The following ATM variants were observed in gnomAD, a reference collection of about 807,000 sequenced individuals.
ATM encodes serine-protein kinase ATM.
Under a neutral mutation model 387.0 loss-of-function variants are expected in ATM, and 308 were observed. That is an observed-to-expected ratio of 0.80 (90% CI 0.73 to 0.87). The LOEUF is 0.87. Among genes scored for constraint, ATM ranks in the 40% least tolerant of loss-of-function variants. The pLI, the probability that ATM is intolerant of heterozygous loss-of-function variation, is 0.00. For synonymous variants in ATM, 1,156 were observed against 1,187.3 expected (o/e 0.97, Z 0.54); for missense variants, 3,312 against 3,560.9 (o/e 0.93, Z 1.78).
At chr11:108,322,277 C>T (rs542278567) in intron 45 of ATM, among the ~76,000 whole-genome samples, 1 of 152,278 alleles carries the variant, frequency 6.6e-6, no homozygotes, top group African/African-American at 2.4e-5. Flanking sequence ...GCCTCAGCCT[C>T]CCGAGTAGCT....
chr11:108,256,191 T>C, intron 13 of ATM, 24 bp from the exon 14 acceptor site: 1 of 1,547,530 alleles, frequency 6.5e-7, no homozygotes, highest in Non-Finnish European at 8.8e-7. Context: ...AATATATATA[T>C]TTTTATTTGT....
chr11:108,302,774 T>C, intron 35 of ATM, 79 bp from the exon 36 acceptor site: 1 of 1,325,676 alleles, frequency 7.5e-7, no homozygotes, highest in Non-Finnish European at 1.1e-6. Context: ...CAGAAAGATT[T>C]GTTATACTCA....
chr11:108,281,531 C>T (rs1460462102), intron 24 of ATM, among the ~76,000 whole-genome samples: 3 of 152,130 alleles, frequency 2.0e-5, no homozygotes, highest in Non-Finnish European at 4.4e-5. Flanking sequence ...ACATTGGGAT[C>T]CAGCAGGGCC....
chr11:108,335,237 A>G, intron 55 of ATM, 128 bp downstream of exon 55: 1 of 1,551,490 alleles, frequency 6.4e-7, no homozygotes, highest in Non-Finnish European at 8.7e-7. Context: ...GAAGATTTGT[A>G]GAGTAGAAAT....
At chr11:108,304,549 T>C in intron 36 of ATM, 126 bp from the exon 37 acceptor site, 2 of 1,003,038 alleles carry the variant, frequency 2.0e-6, no homozygotes, top group Non-Finnish European at 3.0e-6. Context: ...GTTGAGTTTA[T>C]GGCAGATTAA....
chr11:108,317,283 A>C (rs1591788054), intron 42 of ATM, 90 bp from the exon 43 acceptor site: 2 of 1,378,334 alleles, frequency 1.5e-6, no homozygotes, highest in East Asian at 4.9e-5. Context: ...AAATTTGTCT[A>C]AGTTAATTTG....
chr11:108,268,672 A>ACTAAAT (rs2081403326), intron 18 of ATM, 63 bp downstream of exon 18: 8 of 1,510,050 alleles, frequency 5.3e-6, no homozygotes, highest in Non-Finnish European at 7.3e-6. Context: ...AAATGTAATG[A>ACTAAAT]GTTGACATGT....
intron 18 of ATM, 36 bp from the exon 19 acceptor site, chr11:108,271,028 G>A (rs1490069259): frequency 6.4e-7 from 1 of 1,551,938 alleles, no homozygotes; most frequent in Non-Finnish European, 8.9e-7. Context: ...AATGATTTGT[G>A]GATAAACCTG....
At chr11:108,301,941 G>A in intron 35 of ATM, 152 bp downstream of exon 35, 2 of 943,692 alleles carry the variant, frequency 2.1e-6, no homozygotes, top group Non-Finnish European at 3.1e-6. Flanking sequence ...ATAAATCCAG[G>A]GAATGTGTTA....
In ATM at chr11:108,307,905, C is replaced by A. The variant is rs766901049; in HGVS notation, c.5683C>A (p.His1895Asn). 1 of 1,613,324 alleles carries A rather than the reference C, an allele frequency of 6.2e-7. No homozygotes were observed. The change falls in exon 38 of 63, where the codon CAC becomes AAC. Residue 1895 changes from histidine to asparagine, a missense_variant. Physicochemically the swap from His to Asn is moderately conservative, Grantham distance 68. Coordinates refer to ENST00000675843, the MANE Select transcript of ATM (RefSeq NM_000051.4). Reference sequence around the variant, plus strand: ...ATATTTTTGTTTGTCAGAGTCAGAGCACTTTTTCCGATGCTGTTTGGATAA... The same window carrying A: ...ATATTTTTGTTTGTCAGAGTCAGAGAACTTTTTCCGATGCTGTTTGGATAA... ...TPANLDSESE[H>N]FFRCCLDKKS...
rs55830714 is a variant in ATM, at chr11:108,256,249, G to C, written c.2159G>C (p.Arg720Pro). Residue 720 changes from arginine (R) to proline (P), a missense_variant, in exon 14 of 63, where the codon CGT becomes CCT. Arg to Pro is a moderately radical substitution (Grantham distance 103, BLOSUM62 -2). Transcript: ENST00000675843. ...TCAGAAACTCTTGTCCGGTGTTCAC[G>C]TCTTTTGGTGGGTGTCCTTGGCTGC... Reference protein sequence around the residue: ...TNSETLVRCSRLLVGVLGCYC... With the variant: ...TNSETLVRCSPLLVGVLGCYC... The C allele has an allele frequency of 6.2e-7, 1 of 1,609,600 alleles. No homozygotes were observed. The highest frequency in any genetic ancestry group is 8.5e-7 in the Non-Finnish European group (1 of 1,177,098).
At chr11:108,348,612 C>A (rs425538) in intron 59 of ATM, among the ~76,000 whole-genome samples, 94,026 of 151,402 alleles carry the variant, frequency 0.62, 29,479 homozygotes, top group Middle Eastern at 0.76. Flanking sequence ...TAATGACAAA[C>A]TTCTATTAAA....
At chr11:108,297,171 AC>A in intron 32 of ATM, 115 bp from the exon 33 acceptor site, 1 of 846,400 alleles carries the variant, frequency 1.2e-6, no homozygotes, top group Non-Finnish European at 1.9e-6. Context: ...ATGACTTAAA[AC>A]CTTTTTTAAA....
At chr11:108,254,253 T>C (rs1268914882) in intron 13 of ATM, among the ~76,000 whole-genome samples, 1 of 152,116 alleles carries the variant, frequency 6.6e-6, no homozygotes, top group African/African-American at 2.4e-5. Context: ...TACTGGAAAT[T>C]ATGGTAGACA....
intron 25 of ATM, among the ~76,000 whole-genome samples, chr11:108,284,001 C>T (rs565662399): frequency 4.5e-4 from 68 of 151,940 alleles, no homozygotes; most frequent in African/African-American, 1.3e-3. Context: ...ATTTTTAAAT[C>T]CCATAATTAT....
intron 5 of ATM, among the ~76,000 whole-genome samples, chr11:108,236,770 T>G (rs228598): frequency 0.53 from 79,792 of 151,926 alleles, 21,788 homozygotes; most frequent in Middle Eastern, 0.73. Context: ...GAATCTGGTG[T>G]TGTTTCCTGT....
At chr11:108,294,894 C>T (rs374703899) in intron 31 of ATM, 33 bp from the exon 32 acceptor site, 31 of 1,610,866 alleles carry the variant, frequency 1.9e-5, no homozygotes, top group African/African-American at 1.3e-4. Flanking sequence ...TTAACCAATA[C>T]GTGTTAAAAG....
rs1226186392 is a variant in ATM, at chr11:108,331,916, C to T, written c.7667C>T (p.Thr2556Ile). Residue 2556 changes from threonine (T) to isoleucine (I), a missense_variant, in exon 52 of 63, where the codon ACT becomes ATT. Around this residue, in one of 4 missense-constraint regions of ATM, gnomAD observed 1,405 missense variants for 1,604.4 expected, o/e 0.88. Transcript: ENST00000675843. ...ATTTCAATGGATCACCCCCATCACA[C>T]TTTGTTTATTATACTGGCCTTAGCA... ...SRISMDHPHHTLFIILALANA... is the reference protein window; with the variant it reads ...SRISMDHPHHILFIILALANA... The T allele has an allele frequency of 6.2e-7, 1 of 1,613,944 alleles. No individual in the cohort carries two copies.
intron 56 of ATM, among the ~76,000 whole-genome samples, chr11:108,338,975 C>T (rs1432347577): frequency 1.3e-5 from 2 of 152,136 alleles, no homozygotes; most frequent in Admixed American, 1.3e-4. Context: ...TCAACAAGAG[C>T]ATACATTGAC....
Sources: gnomAD v4.1 joint callset for allele counts (sites outside exome capture counted in the v4.1 genomes callset) on GRCh38, gnomAD v4.1.1 for gene constraint, gnomAD v4.1.1 regional missense constraint, MANE v1.5 for transcripts, NCBI Gene and HGNC (gene_info 2026-07-23, HGNC 2026-07-21) for gene names.